DGKB: variants seen among roughly 807,000 people sequenced by gnomAD.
DGKB encodes the protein diacylglycerol kinase beta.
Under a neutral mutation model 114.3 loss-of-function variants are expected in DGKB, and 67 were observed. The observed-to-expected ratio is 0.59, with a 90% CI of 0.48 to 0.72. The LOEUF (loss-of-function observed/expected upper bound fraction) is 0.72, where lower values mean the gene tolerates loss of function less well. Ranked by LOEUF, DGKB falls within the 30% of genes least tolerant of loss-of-function variation. DGKB has a pLI of 0.00. For synonymous variants in DGKB, 398 were observed against 323.1 expected, an observed-to-expected ratio of 1.23 and a Z score of -2.49; for missense variants, 907 against 975.2, an observed-to-expected ratio of 0.93 and a Z score of 0.93.
At chr7:14,409,960 T>C (rs1824598763) in intron 21 of DGKB, among the ~76,000 whole-genome samples, 1 of 152,076 alleles carries the variant, frequency 6.6e-6, no homozygotes, top group South Asian at 2.1e-4. Context: ...AATCAACTGT[T>C]TATGTTATCA....
At chr7:14,414,610 T>C (rs1309470539) in intron 21 of DGKB, among the ~76,000 whole-genome samples, 3 of 152,144 alleles carry the variant, frequency 2.0e-5, no homozygotes, top group Non-Finnish European at 4.4e-5. Context: ...TTAAAATTCT[T>C]TGTCTCTGTA....
chr7:14,494,383 C>T lies in DGKB; in HGVS notation c.1771-16158G>A, dbSNP rs193005236. On this transcript the variant is annotated intron_variant, in intron 20 of 25. Coordinates refer to ENST00000402815, the MANE Select transcript of DGKB (RefSeq NM_001350709.2). ...TGTATAAGCATCTTGAGACAATCTA[C>T]ACTTAGTGATTCAAACGGGACACTT... Among the ~76,000 whole-genome samples the T allele has an allele frequency of 1.4e-3, 220 of 151,996 alleles. 2 individuals carry two copies. The highest frequency in any genetic ancestry group is 2.2e-3 in the Non-Finnish European group (151 of 67,924).
intron 20 of DGKB, among the ~76,000 whole-genome samples, chr7:14,549,305 CAAGT>C (rs1454048165): frequency 1.3e-5 from 2 of 151,968 alleles, no homozygotes; most frequent in African/African-American, 4.8e-5. Context: ...GATAGGGGTA[CAAGT>C]AAGTCTGAGA....
intron 1 of DGKB, among the ~76,000 whole-genome samples, chr7:14,861,221 T>C (rs1427370429): frequency 6.6e-6 from 1 of 151,998 alleles, no homozygotes; most frequent in Non-Finnish European, 1.5e-5. Context: ...TTCTCTAAAC[T>C]TGAGGCATCC....
intron 13 of DGKB, among the ~76,000 whole-genome samples, chr7:14,652,161 T>C (rs1179457684): frequency 7.0e-6 from 1 of 142,618 alleles, no homozygotes; most frequent in African/African-American, 2.6e-5. Flanking sequence ...TTAAAGTTCA[T>C]ATGGAACCAA....
chr7:14,689,194 C>CTATTTTTT (rs1563917251), intron 9 of DGKB, among the ~76,000 whole-genome samples: 36 of 92,312 alleles, frequency 3.9e-4, no homozygotes, highest in Admixed American at 9.8e-4. Context: ...ACAGAAACTC[C>CTATTTTTT]TCTTATTTTT....
chr7:14,261,721 T>G (rs536338506), intron 23 of DGKB, among the ~76,000 whole-genome samples: 3 of 152,320 alleles, frequency 2.0e-5, no homozygotes, highest in African/African-American at 7.2e-5. Context: ...TAGATATAAT[T>G]TGTGACGTTT....
chr7:14,525,840 A>G (rs1790553833), intron 20 of DGKB, among the ~76,000 whole-genome samples: 1 of 150,282 alleles, frequency 6.7e-6, no homozygotes, highest in Non-Finnish European at 1.5e-5. Flanking sequence ...CGTTGTCATC[A>G]TTACATTGGA....
At chr7:14,610,619 A>C (rs1419664559) in intron 16 of DGKB, among the ~76,000 whole-genome samples, 2 of 152,006 alleles carry the variant, frequency 1.3e-5, no homozygotes, top group Non-Finnish European at 2.9e-5. Context: ...TTACTGATAA[A>C]ACTCTCCAAA....
chr7:14,231,604 G>C (rs1791861344), intron 23 of DGKB, among the ~76,000 whole-genome samples: 1 of 151,768 alleles, frequency 6.6e-6, no homozygotes, highest in South Asian at 2.1e-4. Context: ...GCATATGTAT[G>C]AGTGTAATTG....
intron 23 of DGKB, among the ~76,000 whole-genome samples, chr7:14,207,778 C>T (rs928470940): frequency 1.3e-5 from 2 of 151,764 alleles, no homozygotes; most frequent in Non-Finnish European, 2.9e-5. Context: ...ACTTGGGAAC[C>T]AGGGCACACA....
At chr7:14,258,883 A>T (rs1414334554) in intron 23 of DGKB, among the ~76,000 whole-genome samples, 3 of 152,176 alleles carry the variant, frequency 2.0e-5, no homozygotes, top group Admixed American at 1.3e-4. Context: ...TTCCTAGGAA[A>T]ATCTGCAGCT....
At position 14,923,413 on chromosome 7, in the gene DGKB, G is replaced by T. The variant is rs542661774; in HGVS notation, c.-188+51283C>A. Among the ~76,000 whole-genome samples, 146 of 152,180 alleles carry T rather than the reference G, an allele frequency of 9.6e-4. 1 individual carries two copies. The highest frequency in any genetic ancestry group is 3.3e-3 in the African/African-American group (137 of 41,542). ...TCTTTTGTTGATTCCACATATAAATGAGATTATATGCTTTTGTGATTTTTA... is the reference window on the plus strand; with the variant it reads ...TCTTTTGTTGATTCCACATATAAATTAGATTATATGCTTTTGTGATTTTTA... On this transcript the variant is annotated intron_variant, in intron 1 of 4. Transcript: ENST00000437998.
At chr7:14,292,717 C>G (rs753617280) in intron 23 of DGKB, among the ~76,000 whole-genome samples, 11 of 152,164 alleles carry the variant, frequency 7.2e-5, no homozygotes, top group Non-Finnish European at 1.3e-4. Context: ...TTTAACCTAT[C>G]TGCACTTACA....
At chr7:14,269,877 A>G (rs1051005721) in intron 23 of DGKB, among the ~76,000 whole-genome samples, 6 of 152,122 alleles carry the variant, frequency 3.9e-5, no homozygotes, top group African/African-American at 1.4e-4. Flanking sequence ...GTTTCTTTAA[A>G]TATGTGGCAA....
In DGKB at chr7:14,555,744, G is replaced by T. The variant is rs912632899; in HGVS notation, c.1770+18468C>A. On this transcript the variant is annotated intron_variant, in intron 20 of 25. Coordinates refer to ENST00000402815, the MANE Select transcript of DGKB (RefSeq NM_001350709.2). ...TAAACAGGTTGTAGTAAAGAAGCCGGCCAAAACCCACCAAAACCAAGATGG... is the reference window on the plus strand; with the variant it reads ...TAAACAGGTTGTAGTAAAGAAGCCGTCCAAAACCCACCAAAACCAAGATGG... Among the ~76,000 whole-genome samples the T allele has an allele frequency of 2.0e-5, 3 of 152,262 alleles. No homozygotes were observed. The South Asian group carries it at 6.2e-4, about 32-fold the overall frequency.
intron 21 of DGKB, among the ~76,000 whole-genome samples, chr7:14,456,552 T>G (rs1364495922): frequency 6.6e-6 from 1 of 152,028 alleles, no homozygotes; most frequent in Non-Finnish European, 1.5e-5. Context: ...AAGTGATGTT[T>G]TATTAGGTAG....
At chr7:14,265,176 A>T (rs977315227) in intron 23 of DGKB, among the ~76,000 whole-genome samples, 1 of 151,580 alleles carries the variant, frequency 6.6e-6, no homozygotes, top group Non-Finnish European at 1.5e-5. Context: ...AGTCTAAAAC[A>T]TTCAGAGACA....
intron 2 of DGKB, among the ~76,000 whole-genome samples, chr7:14,828,828 G>C (rs1033721787): frequency 6.6e-6 from 1 of 152,190 alleles, no homozygotes; most frequent in Non-Finnish European, 1.5e-5. Flanking sequence ...TTCCCACAGT[G>C]ATTATTGACA....
Sources: gnomAD v4.1 joint callset for allele counts (sites outside exome capture counted in the v4.1 genomes callset) on GRCh38, gnomAD v4.1.1 for gene constraint, MANE v1.5 for transcripts, NCBI Gene and HGNC (gene_info 2026-07-23, HGNC 2026-07-21) for gene names.